Variants in PPP2R3B observed in about 807,000 individuals in gnomAD.
PPP2R3B encodes the protein protein phosphatase 2 regulatory subunit B''beta, also known as serine/threonine-protein phosphatase 2A regulatory subunit B'' subunit beta.
A neutral mutation model predicts 72.9 loss-of-function variants in PPP2R3B; 68 were observed. The ratio of observed to expected loss-of-function variants is 0.93; its 90% confidence interval spans 0.77 to 1.14. The LOEUF (loss-of-function observed/expected upper bound fraction) is 1.14. Ranked by LOEUF, PPP2R3B falls within the 50% of genes most tolerant of loss-of-function variation. The pLI, the probability that PPP2R3B is intolerant of heterozygous loss-of-function variation, is 0.00. For synonymous variants in PPP2R3B, 466 were observed against 375.8 expected, an observed-to-expected ratio of 1.24 and a Z score of -2.78; for missense variants, 1,018 against 842.0, an observed-to-expected ratio of 1.21 and a Z score of -2.59.
At chrX:369,877 G>A (rs1194458491) in intron 1 of PPP2R3B, among the ~76,000 whole-genome samples, 1 of 152,240 alleles carries the variant, frequency 6.6e-6, no homozygotes, top group Admixed American at 6.5e-5. Flanking sequence ...ACTCTGCAGC[G>A]GGAGGCGGAA....
intron 12 of PPP2R3B, 148 bp downstream of exon 12, chrX:338,456 C>T (rs1476279201): frequency 2.5e-6 from 2 of 785,234 alleles, no homozygotes; most frequent in Non-Finnish European, 4.2e-6. Context: ...TGTCAGGTCT[C>T]ACCCCGCCCC....
intron 1 of PPP2R3B, among the ~76,000 whole-genome samples, chrX:381,278 A>T (rs894965549): frequency 6.6e-6 from 1 of 152,120 alleles, no homozygotes; most frequent in Non-Finnish European, 1.5e-5. Flanking sequence ...GGAAGGAGCC[A>T]CTGCAAGCAC....
chrX:345,791 GACTGGGCAGCT>G, intron 6 of PPP2R3B, 119 bp from the exon 7 acceptor site: 4 of 450,564 alleles, frequency 8.9e-6, no homozygotes, highest in East Asian at 6.4e-5. Context: ...GGGTGGGGGG[GACTGGGCAGCT>G]GGGGCCGGGG....
intron 1 of PPP2R3B, among the ~76,000 whole-genome samples, chrX:371,247 G>A (rs1172494047): frequency 5.9e-5 from 9 of 152,102 alleles, no homozygotes; most frequent in South Asian, 2.1e-4. Context: ...CGTGTAACAC[G>A]CCATCGTCAC....
chrX:336,717 T>A (rs1285717747), intron 12 of PPP2R3B: 3 of 152,234 alleles, frequency 2.0e-5, no homozygotes, highest in Non-Finnish European at 4.4e-5. Flanking sequence ...ATAAATTCTA[T>A]ATGCTACCAA....
At chrX:346,411 G>A (rs928182984) in intron 5 of PPP2R3B, 151 bp from the exon 6 acceptor site, 8 of 743,960 alleles carry the variant, frequency 1.1e-5, no homozygotes, top group East Asian at 5.7e-5. Context: ...AGGGCCCTGC[G>A]GGAGGCGCCG....
At chrX:383,581 T>C (rs2072171280) in intron 1 of PPP2R3B, among the ~76,000 whole-genome samples, 1 of 151,986 alleles carries the variant, frequency 6.6e-6, no homozygotes, top group Admixed American at 6.6e-5. Context: ...CTCACACCTG[T>C]AATCCCAAAA....
In PPP2R3B at chrX:347,351, T is replaced by C. The variant is rs751147710; in HGVS notation, c.615-15A>G. The C allele has an allele frequency of 1.2e-6, 2 of 1,612,408 alleles. No homozygotes were observed. The highest frequency in any genetic ancestry group is 1.7e-5 in the Admixed American group (1 of 60,004). On this transcript the variant is annotated splice_polypyrimidine_tract_variant and intron_variant, in intron 3 of 12. Transcript: ENST00000390665. ...TCTGGAGGATTCTGGAAGGACAGGATGACTGGGCACCACCCTCACAGGGGG... is the reference window on the plus strand; with the variant it reads ...TCTGGAGGATTCTGGAAGGACAGGACGACTGGGCACCACCCTCACAGGGGG...
At chrX:362,651 G>A (rs995723126) in intron 1 of PPP2R3B, among the ~76,000 whole-genome samples, 4 of 152,108 alleles carry the variant, frequency 2.6e-5, no homozygotes, top group African/African-American at 9.7e-5. Flanking sequence ...CAACTGCCAT[G>A]GAGGAGGGGT....
At chrX:340,562 G>A (rs1422615964) in intron 10 of PPP2R3B, among the ~76,000 whole-genome samples, 2 of 114,516 alleles carry the variant, frequency 1.7e-5, no homozygotes, top group Non-Finnish European at 3.4e-5. Flanking sequence ...CCCCCCTCCC[G>A]TCCGTCCCCT....
chrX:341,915 C>T lies in PPP2R3B; in HGVS notation c.1053G>A (p.Met351Ile). 1.2e-6 allele frequency: 2 copies of T among 1,612,732 alleles called. No individual in the cohort carries two copies. The highest frequency in any genetic ancestry group is 1.7e-6 in the Non-Finnish European group (2 of 1,179,764). The change falls in exon 8 of 13, where the codon ATG (methionine) becomes ATA (isoleucine). Residue 351 changes from methionine (M) to isoleucine (I), a missense_variant. Physicochemically the swap from Met to Ile is conservative, Grantham distance 10 (BLOSUM62 1). Coordinates refer to ENST00000390665, the MANE Select transcript of PPP2R3B (RefSeq NM_013239.5). ...CTGCTCCTGAGAAGATCCTGTCTAT[C>T]ATCTTGGTAGAAAGGGCTGGAAAGG... ...RHNDHALSTKMIDRIFSGAVT... is the reference protein window; with the variant it reads ...RHNDHALSTKIIDRIFSGAVT...
At chrX:371,280 G>A (rs180821537) in intron 1 of PPP2R3B, among the ~76,000 whole-genome samples, 66 of 152,206 alleles carry the variant, frequency 4.3e-4, no homozygotes, top group African/African-American at 1.6e-3. Flanking sequence ...CCGGACCCAC[G>A]GTGAGAGTAC....
intron 1 of PPP2R3B, among the ~76,000 whole-genome samples, chrX:378,211 G>A (rs1352624656): frequency 1.3e-5 from 2 of 152,128 alleles, no homozygotes; most frequent in African/African-American, 2.4e-5. Flanking sequence ...AGCCCCTCAC[G>A]GCACCCGAAT....
intron 1 of PPP2R3B, among the ~76,000 whole-genome samples, chrX:371,430 G>A (rs2071861226): frequency 6.6e-6 from 1 of 152,134 alleles, no homozygotes; most frequent in South Asian, 2.1e-4. Flanking sequence ...ACAGGGAAGT[G>A]GGCAGTGGCA....
At chrX:341,122 CCG>C (rs2071060391) in intron 9 of PPP2R3B, 182 bp from the exon 10 acceptor site, 1 of 343,992 alleles carries the variant, frequency 2.9e-6, no homozygotes, top group African/African-American at 1.1e-4. Flanking sequence ...TCCCCCTGTG[CCG>C]TGCAGCCCCC....
At chrX:375,523 G>A (rs2071971733) in intron 1 of PPP2R3B, among the ~76,000 whole-genome samples, 1 of 147,508 alleles carries the variant, frequency 6.8e-6, no homozygotes, top group Non-Finnish European at 1.5e-5. Context: ...CAAACTCACA[G>A]GGCAGAGGTG....
At chrX:346,135 G>A in intron 6 of PPP2R3B, 39 bp downstream of exon 6, 9 of 1,361,534 alleles carry the variant, frequency 6.6e-6, no homozygotes, top group Non-Finnish European at 7.8e-6. Context: ...GAGGGGTAGG[G>A]ACAAGGCAGG....
rs1485689329 is a variant in PPP2R3B at position 338,902 on chromosome X, G to A, written c.1352-6C>T. 6.2e-7 allele frequency: 1 copy of A among 1,611,288 alleles called. No homozygotes were observed. The highest frequency in any genetic ancestry group is 8.5e-7 in the Non-Finnish European group (1 of 1,178,798). On this transcript the variant is annotated splice_polypyrimidine_tract_variant and splice_region_variant and intron_variant, in intron 10 of 12. Coordinates refer to ENST00000390665, the MANE Select transcript of PPP2R3B (RefSeq NM_013239.5). ...GTCCTGCAGCGTGATCTTCCCTGCG[G>A]GGAGGGGAGTGCGTCCAAGGCGCGT... is the stretch of plus-strand genomic sequence containing the variant.
chrX:335,550 T>A (rs1397383954), intron 12 of PPP2R3B: 1 of 152,192 alleles, frequency 6.6e-6, no homozygotes, highest in African/African-American at 2.4e-5. Context: ...ATGGAACCCA[T>A]GGGTCGGGAA....
Sources: allele counts gnomAD v4.1 joint callset (sites outside exome capture counted in the v4.1 genomes callset), GRCh38; gene constraint gnomAD v4.1.1; transcripts MANE v1.5; gene names NCBI Gene and HGNC (gene_info 2026-07-23, HGNC 2026-07-21).